CSMD1: variants seen among roughly 807,000 people sequenced by gnomAD.
CSMD1 encodes CUB and Sushi multiple domains 1, also known as CUB and sushi domain-containing protein 1.
CSMD1 carries 213 observed loss-of-function variants against 417.5 expected under a neutral mutation model. The observed-to-expected ratio is 0.51, with a 90% CI of 0.46 to 0.57. The LOEUF (loss-of-function observed/expected upper bound fraction) is 0.57. Ranked by LOEUF, CSMD1 falls within the 20% of genes least tolerant of loss-of-function variation. The pLI is 0.00. For synonymous variants in CSMD1, 2,862 were observed against 1,736.8 expected (o/e 1.65, Z -16.11); for missense variants, 6,923 against 4,529.7 (o/e 1.53, Z -15.17).
At chr8:3,279,692 G>A (rs954577965) in intron 26 of CSMD1, among the ~76,000 whole-genome samples, 1 of 152,136 alleles carries the variant, frequency 6.6e-6, no homozygotes. Context: ...GCATGGCTGG[G>A]GAGGCCTCAG....
chr8:3,159,869 C>G (rs1201060005), intron 38 of CSMD1, among the ~76,000 whole-genome samples: 1 of 152,118 alleles, frequency 6.6e-6, no homozygotes, highest in African/African-American at 2.4e-5. Context: ...TCTCTGAGAG[C>G]TGTCATAATA....
At chr8:4,158,273 A>C (rs1232257156) in intron 3 of CSMD1, among the ~76,000 whole-genome samples, 1 of 152,038 alleles carries the variant, frequency 6.6e-6, no homozygotes, top group Admixed American at 6.6e-5. Context: ...GACATCGGGA[A>C]GACTAAACAA....
At chr8:3,963,789 G>C (rs943053700) in intron 5 of CSMD1, among the ~76,000 whole-genome samples, 1 of 152,100 alleles carries the variant, frequency 6.6e-6, no homozygotes, top group African/African-American at 2.4e-5. Flanking sequence ...ACCTAAGTCA[G>C]ACAGAAACTT....
At chr8:4,543,945 C>A (rs1469878800) in intron 2 of CSMD1, among the ~76,000 whole-genome samples, 1 of 152,112 alleles carries the variant, frequency 6.6e-6, no homozygotes, top group East Asian at 1.9e-4. Context: ...GGTGAGGTGT[C>A]TGTTAAGGTC....
rs972772627 is a variant in CSMD1 at position 3,988,103 on chromosome 8, T to C, written c.818+9800A>G. Among the ~76,000 whole-genome samples, 5 of 152,222 alleles carry C rather than the reference T, an allele frequency of 3.3e-5. No individual in the cohort carries two copies. In the East Asian group the frequency reaches 9.6e-4, roughly 29 times the overall value. ...CTGTTGAAATATTGTGATTTTTTTA[T>C]ACCCTTTTGATGTCACCTCTTATTC... is the stretch of plus-strand genomic sequence containing the variant. On this transcript the variant is annotated intron_variant, in intron 5 of 69. Coordinates refer to ENST00000635120, the MANE Select transcript of CSMD1 (RefSeq NM_033225.6).
chr8:4,246,500 A>G (rs1407412717), intron 3 of CSMD1, among the ~76,000 whole-genome samples: 6 of 152,204 alleles, frequency 3.9e-5, no homozygotes, highest in African/African-American at 7.2e-5. Context: ...GTTTTTAAAG[A>G]AAATTGTAAG....
At chr8:4,674,711 T>C (rs974901530) in intron 1 of CSMD1, among the ~76,000 whole-genome samples, 1 of 151,470 alleles carries the variant, frequency 6.6e-6, no homozygotes, top group Non-Finnish European at 1.5e-5. Context: ...TAGAAGAGAG[T>C]AGTGCAAATA....
chr8:4,187,228 G>A (rs1251233281), intron 3 of CSMD1, among the ~76,000 whole-genome samples: 1 of 152,058 alleles, frequency 6.6e-6, no homozygotes, highest in Non-Finnish European at 1.5e-5. Context: ...AAAATAATAT[G>A]GAACTTTAAC....
Position 4,884,699 on chromosome 8 carries a change from T to C in CSMD1, c.85+109633A>G, listed in dbSNP as rs907895291. ...GCCCAGAAAAATAAGGGTTTATTTT[T>C]GGACTCTCAGTTTCCTTCCTTGGAT... is the stretch of plus-strand genomic sequence containing the variant. On this transcript the variant is annotated intron_variant, in intron 1 of 69. Transcript: ENST00000635120. 1.2e-4 allele frequency among the ~76,000 whole-genome samples: 18 copies of C among 152,246 alleles called. No individual in the cohort carries two copies. The South Asian group carries it at 2.3e-3, about 19-fold the overall frequency.
At chr8:4,936,805 T>C (rs1321635614) in intron 1 of CSMD1, among the ~76,000 whole-genome samples, 2 of 152,236 alleles carry the variant, frequency 1.3e-5, no homozygotes. Flanking sequence ...ATATATTAAA[T>C]GGATTTTATA....
chr8:3,866,381 T>C (rs1805105516), intron 5 of CSMD1, among the ~76,000 whole-genome samples: 1 of 152,350 alleles, frequency 6.6e-6, no homozygotes, highest in East Asian at 1.9e-4. Flanking sequence ...TGTATTTCAT[T>C]TACCATTGCT....
intron 3 of CSMD1, among the ~76,000 whole-genome samples, chr8:4,125,797 A>T (rs749514271): frequency 6.6e-6 from 1 of 151,024 alleles, no homozygotes; most frequent in Non-Finnish European, 1.5e-5. Flanking sequence ...CAATTGATCA[A>T]TTGATAACAG....
At chr8:3,006,759 C>T (rs1322517675) in intron 52 of CSMD1, among the ~76,000 whole-genome samples, 5 of 151,544 alleles carry the variant, frequency 3.3e-5, no homozygotes, top group Non-Finnish European at 7.4e-5. Context: ...TTACAGCTTA[C>T]ACAAAAATCA....
chr8:4,631,913 T>C (rs1340646398), intron 2 of CSMD1, among the ~76,000 whole-genome samples: 1 of 152,210 alleles, frequency 6.6e-6, no homozygotes, highest in Non-Finnish European at 1.5e-5. Flanking sequence ...ATTTTCTATA[T>C]TGAGTGGTAA....
At chr8:4,107,546 C>A (rs1801630946) in intron 3 of CSMD1, among the ~76,000 whole-genome samples, 1 of 152,214 alleles carries the variant, frequency 6.6e-6, no homozygotes, top group African/African-American at 2.4e-5. Context: ...AATTTTTAAG[C>A]TACAAAGTAG....
At chr8:4,811,830 T>A (rs971175156) in intron 1 of CSMD1, among the ~76,000 whole-genome samples, 1 of 152,136 alleles carries the variant, frequency 6.6e-6, no homozygotes, top group Admixed American at 6.5e-5. Context: ...AAGATGTGAT[T>A]TTTTTTCTTC....
At chr8:4,678,291 G>C (rs529567073) in intron 1 of CSMD1, among the ~76,000 whole-genome samples, 7 of 152,114 alleles carry the variant, frequency 4.6e-5, no homozygotes, top group Middle Eastern at 3.4e-3. Flanking sequence ...CGCACCTGTA[G>C]TCCCAACTAC....
intron 3 of CSMD1, among the ~76,000 whole-genome samples, chr8:4,366,347 T>C (rs1192136291): frequency 1.3e-5 from 2 of 152,194 alleles, no homozygotes; most frequent in Admixed American, 6.5e-5. Flanking sequence ...ACATCGTGGC[T>C]GATTCCACGT....
chr8:3,760,607 T>A (rs555799042), intron 5 of CSMD1, among the ~76,000 whole-genome samples: 4 of 152,258 alleles, frequency 2.6e-5, no homozygotes, highest in East Asian at 1.9e-4. Flanking sequence ...GTATGACTCA[T>A]GCATTTCGCG....
Sources: allele counts gnomAD v4.1 joint callset (sites outside exome capture counted in the v4.1 genomes callset), GRCh38; gene constraint gnomAD v4.1.1; transcripts MANE v1.5; gene names NCBI Gene and HGNC (gene_info 2026-07-23, HGNC 2026-07-21).